Variants in VAV3 observed in about 807,000 individuals in gnomAD.
VAV3 encodes vav guanine nucleotide exchange factor 3.
A neutral mutation model predicts 131.2 loss-of-function variants in VAV3; 94 were observed. That is an observed-to-expected ratio of 0.72 (90% confidence interval 0.61 to 0.85). The LOEUF is 0.85. VAV3 is among the 40% of genes least tolerant of loss of function. VAV3 has a pLI of 0.00. For synonymous variants in VAV3, 349 were observed against 342.0 expected (o/e 1.02, Z -0.22); for missense variants, 939 against 1,002.7 (o/e 0.94, Z 0.86).
At chr1:107,581,484 C>G (rs189746448) in intron 25 of VAV3, among the ~76,000 whole-genome samples, 1 of 152,242 alleles carries the variant, frequency 6.6e-6, no homozygotes, top group East Asian at 1.9e-4. Flanking sequence ...ACCTGAAGTA[C>G]TAACATTACC....
intron 2 of VAV3, among the ~76,000 whole-genome samples, chr1:107,837,834 T>C (rs1332373349): frequency 1.3e-5 from 2 of 152,090 alleles, no homozygotes; most frequent in African/African-American, 2.4e-5. Flanking sequence ...TGGCTAGCCA[T>C]ACACAGGAGA....
At chr1:107,598,011 G>A (rs1026741254) in intron 24 of VAV3, among the ~76,000 whole-genome samples, 1 of 152,104 alleles carries the variant, frequency 6.6e-6, no homozygotes, top group Non-Finnish European at 1.5e-5. Context: ...CAAAGTTTGT[G>A]CTCTTAACTG....
At chr1:107,669,510 A>C in intron 19 of VAV3, 2 of 1,274,000 alleles carry the variant, frequency 1.6e-6, no homozygotes, top group Non-Finnish European at 2.0e-6. Flanking sequence ...CATTTTCAAG[A>C]ATGCCTGAAA....
chr1:107,772,993 T>A, intron 4 of VAV3, 150 bp from the exon 5 acceptor site: 1 of 656,572 alleles, frequency 1.5e-6, no homozygotes, highest in Non-Finnish European at 2.5e-6. Context: ...TACAACTTTG[T>A]CCCTCTTAAT....
At chr1:107,955,836 G>C (rs1674782974) in intron 1 of VAV3, among the ~76,000 whole-genome samples, 1 of 152,124 alleles carries the variant, frequency 6.6e-6, no homozygotes, top group South Asian at 2.1e-4. Flanking sequence ...TTTATCCCAT[G>C]GTCCATCAGG....
intron 17 of VAV3, among the ~76,000 whole-genome samples, chr1:107,704,231 C>T (rs2494069): frequency 0.76 from 114,891 of 152,068 alleles, 43,780 homozygotes; most frequent in Middle Eastern, 0.83. Context: ...TCTATTTTTT[C>T]GGCTATGTTT....
intron 19 of VAV3, among the ~76,000 whole-genome samples, chr1:107,676,544 GATCC>G (rs1388671452): frequency 1.3e-5 from 2 of 152,094 alleles, no homozygotes; most frequent in Non-Finnish European, 2.9e-5. Context: ...GGAGTCCCTG[GATCC>G]ATCTCTGCCT....
intron 1 of VAV3, among the ~76,000 whole-genome samples, chr1:107,883,757 C>T (rs1352459965): frequency 6.6e-6 from 1 of 152,176 alleles, no homozygotes; most frequent in Non-Finnish European, 1.5e-5. Flanking sequence ...ATAACACACA[C>T]ACACAAGCCC....
chr1:107,646,545 A>C (rs1414657455), intron 19 of VAV3, among the ~76,000 whole-genome samples: 2 of 152,110 alleles, frequency 1.3e-5, no homozygotes, highest in African/African-American at 2.4e-5. Flanking sequence ...ATATGATTAA[A>C]ATACTAAGCC....
intron 19 of VAV3, among the ~76,000 whole-genome samples, chr1:107,665,311 G>C (rs1238071097): frequency 6.6e-6 from 1 of 152,154 alleles, no homozygotes; most frequent in Non-Finnish European, 1.5e-5. Flanking sequence ...TGCATTGTCT[G>C]GGGATAATTT....
At chr1:107,774,358 C>T (rs1484648680) in intron 4 of VAV3, among the ~76,000 whole-genome samples, 4 of 152,158 alleles carry the variant, frequency 2.6e-5, no homozygotes, top group Non-Finnish European at 4.4e-5. Flanking sequence ...TGAGCCACCG[C>T]GCCTGGCTGA....
chr1:107,580,481 T>A (rs1168242406), intron 25 of VAV3, among the ~76,000 whole-genome samples: 1 of 152,190 alleles, frequency 6.6e-6, no homozygotes, highest in Non-Finnish European at 1.5e-5. Context: ...GCATTAACCA[T>A]ACTCTATGCC....
intron 2 of VAV3, among the ~76,000 whole-genome samples, chr1:107,874,588 G>A (rs931233306): frequency 1.8e-5 from 2 of 114,136 alleles, no homozygotes; most frequent in Admixed American, 9.7e-5. Flanking sequence ...CCTAACCTCT[G>A]AGGTGACCAG....
chr1:107,770,289 C>A lies in VAV3; in HGVS notation c.648+347G>T, dbSNP rs373941550. Among the ~76,000 whole-genome samples, 8 of 152,258 alleles carry A rather than the reference C, an allele frequency of 5.3e-5. No homozygotes were observed. In the South Asian group the frequency reaches 6.2e-4, roughly 12 times the overall value. ...ATAAAATGCCACCAGCCCTCCCCCC[C>A]CATCACTCTCTATCTTATGCCCCTG... is the stretch of plus-strand genomic sequence containing the variant. On this transcript the variant is annotated intron_variant, in intron 6 of 26. Coordinates refer to ENST00000370056, the MANE Select transcript of VAV3 (RefSeq NM_006113.5).
chr1:107,682,826 C>T (rs893946951), intron 19 of VAV3, among the ~76,000 whole-genome samples: 2 of 152,072 alleles, frequency 1.3e-5, no homozygotes, highest in Non-Finnish European at 2.9e-5. Flanking sequence ...CTGTGAATAC[C>T]TTTTACTCAC....
chr1:107,726,523 G>C (rs1009485639), intron 15 of VAV3, among the ~76,000 whole-genome samples: 3 of 151,570 alleles, frequency 2.0e-5, no homozygotes, highest in Non-Finnish European at 4.4e-5. Flanking sequence ...ATAACGCTCT[G>C]GCTTCTTGTG....
chr1:107,954,209 A>T (rs922878544), intron 1 of VAV3, among the ~76,000 whole-genome samples: 2 of 152,142 alleles, frequency 1.3e-5, no homozygotes, highest in African/African-American at 4.8e-5. Flanking sequence ...CAAAAAGAAT[A>T]TTTATAATAG....
chr1:107,690,798 T>C (rs1471867790), intron 17 of VAV3, among the ~76,000 whole-genome samples: 1 of 152,096 alleles, frequency 6.6e-6, no homozygotes, highest in African/African-American at 2.4e-5. Context: ...CCTTTGCCTT[T>C]CTCCTTGCTA....
chr1:107,763,195 T>C (rs1416374387), intron 9 of VAV3, among the ~76,000 whole-genome samples: 1 of 152,202 alleles, frequency 6.6e-6, no homozygotes, highest in African/African-American at 2.4e-5. Flanking sequence ...ATCAGGACTA[T>C]GGTTAGAAGT....
Sources: gnomAD v4.1 joint callset for allele counts (sites outside exome capture counted in the v4.1 genomes callset) on GRCh38, gnomAD v4.1.1 for gene constraint, MANE v1.5 for transcripts, NCBI Gene and HGNC (gene_info 2026-07-23, HGNC 2026-07-21) for gene names.